The following ITGAE variants were observed in gnomAD, a reference collection of about 807,000 sequenced individuals.
ITGAE encodes the protein integrin alpha-E.
ITGAE carries 99 observed loss-of-function variants against 136.5 expected under a neutral mutation model. That is an observed-to-expected ratio of 0.73 (90% CI 0.62 to 0.86). ITGAE has a LOEUF of 0.86. ITGAE is among the 40% of genes least tolerant of loss of function. ITGAE has a pLI of 0.00. For synonymous variants in ITGAE, 613 were observed against 591.8 expected, an observed-to-expected ratio of 1.04 and a Z score of -0.52; for missense variants, 1,447 against 1,515.3, an observed-to-expected ratio of 0.95 and a Z score of 0.75.
At chr17:3,721,879 C>G (rs1567753858) in intron 28 of ITGAE, 1 of 152,110 alleles carries the variant, frequency 6.6e-6, no homozygotes, top group Non-Finnish European at 1.5e-5. Flanking sequence ...AACCCCATCT[C>G]TACTAAAAAT....
intron 1 of ITGAE, 130 bp from the exon 2 acceptor site, chr17:3,777,790 G>A (rs2052579142): frequency 7.3e-6 from 8 of 1,099,790 alleles, no homozygotes; most frequent in Non-Finnish European, 1.0e-5. Flanking sequence ...TTATGTGTGT[G>A]TGAGAGAGAA....
chr17:3,754,104 TCA>T (rs1430355616), intron 12 of ITGAE, among the ~76,000 whole-genome samples, 179 bp from the exon 13 acceptor site: 1 of 152,150 alleles, frequency 6.6e-6, no homozygotes, highest in African/African-American at 2.4e-5. Flanking sequence ...ACTTTGCCAG[TCA>T]CACACATCCC....
chr17:3,797,314 C>T (rs543209563), intron 1 of ITGAE, among the ~76,000 whole-genome samples: 6 of 150,582 alleles, frequency 4.0e-5, no homozygotes, highest in East Asian at 3.9e-4. Flanking sequence ...TACAGGCACC[C>T]GCCACCATGC....
chr17:3,728,079 A>T (rs778390008), intron 25 of ITGAE, 26 bp downstream of exon 25: 1 of 1,603,684 alleles, frequency 6.2e-7, no homozygotes, highest in Non-Finnish European at 8.5e-7. Context: ...TTTGCCATCT[A>T]CAGCTTTACA....
chr17:3,744,499 T>A (rs981808119), intron 18 of ITGAE, among the ~76,000 whole-genome samples: 1 of 148,004 alleles, frequency 6.8e-6, no homozygotes, highest in Non-Finnish European at 1.5e-5. Flanking sequence ...CAGGCTGGAG[T>A]GCAGTGGCTC....
In ITGAE at chr17:3,757,972, C is replaced by T. The variant is rs751316774; in HGVS notation, c.867-113G>A. 431 of 1,273,502 alleles carry T rather than the reference C, an allele frequency of 3.4e-4. 1 individual carries two copies. Among genetic ancestry groups the T allele is most frequent in the Non-Finnish European group, 4.5e-4 (408 of 913,560 alleles). The allele number at this position is 1,273,502 out of a possible 1,614,324, so 78.9% of individuals were successfully genotyped here. On this transcript the variant is annotated intron_variant, in intron 8 of 30. Transcript: ENST00000263087. ...GAATTGGGAGGGTTCACAATCCTCC[C>T]GAAAGACCCAGAGAAGGGGGTGATG... is the stretch of plus-strand genomic sequence containing the variant.
chr17:3,776,662 GTCC>G (rs2052547528), intron 2 of ITGAE, among the ~76,000 whole-genome samples: 1 of 151,472 alleles, frequency 6.6e-6, no homozygotes, highest in Admixed American at 6.6e-5. Context: ...GGCCCAAGTG[GTCC>G]TCCTGCCTCA....
At chr17:3,731,335 C>T (rs1175573893) in intron 22 of ITGAE, 152 bp from the exon 23 acceptor site, 3 of 397,368 alleles carry the variant, frequency 7.5e-6, no homozygotes, top group Admixed American at 3.6e-5. Flanking sequence ...CTTTCCCTTC[C>T]TTTTTTTTTT....
At chr17:3,761,872 C>A in intron 4 of ITGAE, 43 bp downstream of exon 4, 1 of 1,562,448 alleles carries the variant, frequency 6.4e-7, no homozygotes, top group South Asian at 1.1e-5. Flanking sequence ...AGGGCTAGCA[C>A]CAGCCTCCCT....
chr17:3,725,446 A>G, intron 26 of ITGAE: 1 of 1,614,202 alleles, frequency 6.2e-7, no homozygotes, highest in Non-Finnish European at 8.5e-7. Flanking sequence ...ACAATTGCTG[A>G]TCACACACCC....
At chr17:3,755,046 C>A in intron 12 of ITGAE, 71 bp downstream of exon 12, 1 of 1,073,528 alleles carries the variant, frequency 9.3e-7, no homozygotes, top group Non-Finnish European at 1.2e-6. Flanking sequence ...AGGCCCCACC[C>A]TCGCCCAGGG....
At chr17:3,753,731 C>A in intron 13 of ITGAE, 52 bp downstream of exon 13, 1 of 1,602,078 alleles carries the variant, frequency 6.2e-7, no homozygotes, top group Non-Finnish European at 8.5e-7. Context: ...CCCTTGGGGG[C>A]CTCCAGATTC....
At chr17:3,789,531 C>T (rs1032105108) in intron 1 of ITGAE, among the ~76,000 whole-genome samples, 27 of 133,472 alleles carry the variant, frequency 2.0e-4, no homozygotes, top group Non-Finnish European at 3.4e-4. Flanking sequence ...GATGGAGTCT[C>T]GCTCTGTCAC....
At chr17:3,751,154 G>GT (rs2051855398) in intron 15 of ITGAE, among the ~76,000 whole-genome samples, 1 of 152,058 alleles carries the variant, frequency 6.6e-6, no homozygotes, top group Admixed American at 6.6e-5. Context: ...GATGGGCCGT[G>GT]TGGGAGTGAG....
Position 3,761,046 on chromosome 17 carries a change from CCTT to C in ITGAE, c.562_564del (p.Lys188del), listed in dbSNP as rs552872131. On this transcript the variant is annotated inframe_deletion, in exon 6 of 31. Transcript: ENST00000263087. ...TCCTCCTCCTCGTCTTCCTCCTCCT[CCTT>C]GTCTTCCTCCTCCTCCTTCTCCAGA... is the stretch of plus-strand genomic sequence containing the variant. 1,899 of 1,606,712 alleles carry C rather than the reference CCTT, an allele frequency of 1.2e-3. 5 individuals are homozygous for C. The highest frequency in any genetic ancestry group is 1.3e-3 in the Non-Finnish European group (1,549 of 1,179,746).
intron 2 of ITGAE, among the ~76,000 whole-genome samples, chr17:3,770,561 T>G (rs2052396346): frequency 6.6e-6 from 1 of 152,194 alleles, no homozygotes; most frequent in African/African-American, 2.4e-5. Context: ...CACGTCATTC[T>G]CAAGCAGGAG....
At chr17:3,734,518 T>G (rs1227158099) in intron 21 of ITGAE, among the ~76,000 whole-genome samples, 1 of 152,212 alleles carries the variant, frequency 6.6e-6, no homozygotes, top group Non-Finnish European at 1.5e-5. Flanking sequence ...GATTTTCACT[T>G]TCCCAGTCTA....
At chr17:3,740,315 A>G (rs539483730) in intron 19 of ITGAE, among the ~76,000 whole-genome samples, 5 of 152,332 alleles carry the variant, frequency 3.3e-5, no homozygotes, top group African/African-American at 1.2e-4. Flanking sequence ...GCCTAGCCAA[A>G]TATCGTCAAG....
At chr17:3,783,067 T>C (rs1012448201) in intron 1 of ITGAE, among the ~76,000 whole-genome samples, 1 of 152,222 alleles carries the variant, frequency 6.6e-6, no homozygotes, top group Non-Finnish European at 1.5e-5. Flanking sequence ...TTCCATGTGT[T>C]TGGAAGTGCT....
Sources: gnomAD v4.1 joint callset for allele counts (sites outside exome capture counted in the v4.1 genomes callset) on GRCh38, gnomAD v4.1.1 for gene constraint, MANE v1.5 for transcripts, NCBI Gene and HGNC (gene_info 2026-07-23, HGNC 2026-07-21) for gene names.